The following SMAD3 variants were observed in gnomAD, a reference collection of about 807,000 sequenced individuals.
SMAD3 encodes SMAD family member 3.
SMAD3 carries 12 observed loss-of-function variants against 51.8 expected under a neutral mutation model. The observed-to-expected ratio is 0.23, with a 90% CI of 0.15 to 0.38. The LOEUF (loss-of-function observed/expected upper bound fraction) is 0.38. Among genes scored for constraint, SMAD3 ranks in the 10% least tolerant of loss-of-function variants. SMAD3 has a pLI of 1.00. For missense variants in SMAD3, 294 were observed against 565.6 expected (o/e 0.52, Z 4.87); for synonymous variants, 238 against 227.7 (o/e 1.05, Z -0.41).
rs921932682 is a variant in SMAD3, at chr15:67,192,952, A to G, written c.*2416A>G. On this transcript the variant is annotated 3_prime_UTR_variant, in exon 9 of 9. Coordinates refer to ENST00000327367, the MANE Select transcript of SMAD3 (RefSeq NM_005902.4). ...TTGGCCCTTTTTCTTTATTGACTAG[A>G]CCACCAGAGGAGGATGTGTGGGATT... is the stretch of plus-strand genomic sequence containing the variant. 4.3e-6 allele frequency: 1 copy of G among 233,028 alleles called. No individual in the cohort carries two copies. The highest frequency in any genetic ancestry group is 8.5e-6 in the Non-Finnish European group (1 of 117,908). 14.4% of individuals were successfully genotyped at this position (233,028 alleles called of 1,614,324 possible). A position where few individuals can be genotyped will look rare whatever the true frequency, so the allele number is the denominator to read the frequency against.
intron 1 of SMAD3, among the ~76,000 whole-genome samples, chr15:67,127,806 G>A (rs932977241): frequency 2.0e-5 from 3 of 152,156 alleles, no homozygotes; most frequent in African/African-American, 7.2e-5. Flanking sequence ...CCCAAAGTGC[G>A]TTCATGTCCA....
chr15:67,066,893 CCTT>C (rs1375204150), intron 1 of SMAD3, among the ~76,000 whole-genome samples: 1 of 152,184 alleles, frequency 6.6e-6, no homozygotes, highest in African/African-American at 2.4e-5. Flanking sequence ...TTGACAGATT[CCTT>C]CTTCGTTCTT....
rs1196863453 is a variant in SMAD3, at chr15:67,194,364, G to C, written c.*3828G>C. 1.3e-5 allele frequency: 3 copies of C among 233,106 alleles called. No individual in the cohort carries two copies. Among genetic ancestry groups the C allele is most frequent in the Non-Finnish European group, 2.5e-5 (3 of 117,972 alleles). 14.4% of individuals were successfully genotyped at this position (233,106 alleles called of 1,614,324 possible). On this transcript the variant is annotated 3_prime_UTR_variant, in exon 9 of 9. Coordinates refer to ENST00000327367, the MANE Select transcript of SMAD3 (RefSeq NM_005902.4). Reference sequence around the variant, plus strand: ...GACATGGATCCAAAATGATGATGAAGCATCTCCCATGGGGAGGTGATGGTG... The same window carrying C: ...GACATGGATCCAAAATGATGATGAACCATCTCCCATGGGGAGGTGATGGTG...
At chr15:67,076,265 A>G (rs542425195) in intron 1 of SMAD3, among the ~76,000 whole-genome samples, 3 of 152,310 alleles carry the variant, frequency 2.0e-5, no homozygotes, top group South Asian at 2.1e-4. Context: ...CTTCTCTATC[A>G]TTATTCTTAA....
chr15:67,167,860 T>C (rs1962633096), intron 4 of SMAD3, among the ~76,000 whole-genome samples: 1 of 152,170 alleles, frequency 6.6e-6, no homozygotes, highest in Non-Finnish European at 1.5e-5. Context: ...AGATGTTCCA[T>C]TCCGATGGTG....
At chr15:67,142,481 C>G (rs1961857170) in intron 1 of SMAD3, among the ~76,000 whole-genome samples, 1 of 152,146 alleles carries the variant, frequency 6.6e-6, no homozygotes, top group South Asian at 2.1e-4. Flanking sequence ...CTTGTTAATG[C>G]TGCTCCCACC....
rs1287725379 is a variant in SMAD3, at chr15:67,170,417, T to G, written c.608-137T>G. ...TAGAGGCAAGGGTATGGGCTAGGCCTTCTCCTGGGACCCCTCAGTCCAGGG... is the reference window on the plus strand; with the variant it reads ...TAGAGGCAAGGGTATGGGCTAGGCCGTCTCCTGGGACCCCTCAGTCCAGGG... On this transcript the variant is annotated intron_variant, in intron 4 of 8. Coordinates refer to ENST00000327367, the MANE Select transcript of SMAD3 (RefSeq NM_005902.4). 4 of 751,892 alleles carry G rather than the reference T, an allele frequency of 5.3e-6. No individual in the cohort carries two copies. In the East Asian group the frequency reaches 1.0e-4, roughly 19 times the overall value. The allele number at this position is 751,892 out of a possible 1,614,324, so 46.6% of individuals were successfully genotyped here. A position where few individuals can be genotyped will look rare whatever the true frequency, so the allele number is the denominator to read the frequency against.
chr15:67,137,404 T>C (rs1961693678), intron 1 of SMAD3, among the ~76,000 whole-genome samples: 2 of 152,212 alleles, frequency 1.3e-5, no homozygotes, highest in Non-Finnish European at 2.9e-5. Flanking sequence ...CCTTCCCATG[T>C]GCATTTTACC....
At chr15:67,129,636 C>T (rs186277021) in intron 1 of SMAD3, among the ~76,000 whole-genome samples, 80 of 152,198 alleles carry the variant, frequency 5.3e-4, no homozygotes, top group Admixed American at 4.3e-3. Context: ...GTATTCCCCT[C>T]GGATAATTGC....
chr15:67,143,779 G>A (rs569279622), intron 1 of SMAD3, among the ~76,000 whole-genome samples: 45 of 152,098 alleles, frequency 3.0e-4, no homozygotes, highest in Non-Finnish European at 5.9e-4. Flanking sequence ...GTCTCGCACT[G>A]TCGCCTGGGC....
chr15:67,123,316 G>A (rs965724000), intron 1 of SMAD3, among the ~76,000 whole-genome samples: 4 of 151,928 alleles, frequency 2.6e-5, no homozygotes, highest in Non-Finnish European at 4.4e-5. Context: ...GCTAAAACAT[G>A]GTGAAATTCC....
At chr15:67,107,970 C>G (rs142083133) in intron 1 of SMAD3, among the ~76,000 whole-genome samples, 3,238 of 124,110 alleles carry the variant, frequency 0.026, 33 homozygotes, top group Middle Eastern at 0.042. Flanking sequence ...TCCTCTCCCC[C>G]CCACCCCCCC....
intron 1 of SMAD3, among the ~76,000 whole-genome samples, chr15:67,068,201 TAAAAG>T (rs1350354230): frequency 1.3e-5 from 2 of 152,190 alleles, no homozygotes; most frequent in Admixed American, 6.5e-5. Context: ...GAGGAAACCT[TAAAAG>T]AGAGAGGTGA....
intron 1 of SMAD3, among the ~76,000 whole-genome samples, chr15:67,092,650 T>TG (rs901061930): frequency 3.4e-4 from 52 of 152,210 alleles, no homozygotes; most frequent in Admixed American, 1.4e-3. Flanking sequence ...AGGAGGGTGC[T>TG]GGGGGTAGGA....
At chr15:67,184,071 TCCTGCAAGGGTAGAGGTTATCATCATTCC>T in intron 6 of SMAD3, among the ~76,000 whole-genome samples, 1 of 151,082 alleles carries the variant, frequency 6.6e-6, no homozygotes, top group African/African-American at 2.4e-5. Context: ...CTCACAGTAA[TCCTGCAAGGGTAGAGGTTATCATCATTCC>T]CTTTTTTTTT....
intron 1 of SMAD3, among the ~76,000 whole-genome samples, chr15:67,108,939 T>C (rs1020275024): frequency 2.0e-5 from 3 of 152,212 alleles, no homozygotes; most frequent in Non-Finnish European, 2.9e-5. Context: ...GAAGATATTA[T>C]GTATTATGAA....
chr15:67,065,623 C>G lies in SMAD3; in HGVS notation c.-532C>G, dbSNP rs1187004322. 6.7e-6 allele frequency among the ~76,000 whole-genome samples: 1 copy of G among 149,608 alleles called. No individual in the cohort carries two copies. Among genetic ancestry groups the G allele is most frequent in the African/African-American group, 2.5e-5 (1 of 40,642 alleles). ...GCATGAAACACAGACTGGGAGCGGG[C>G]GGGAGCGGGAGCGCGGCGCACGCCC... On this transcript the variant is annotated 5_prime_UTR_variant, in exon 1 of 9. Coordinates refer to ENST00000327367, the MANE Select transcript of SMAD3 (RefSeq NM_005902.4).
intron 1 of SMAD3, among the ~76,000 whole-genome samples, chr15:67,073,964 C>T (rs1454276089): frequency 2.0e-5 from 3 of 152,228 alleles, no homozygotes; most frequent in Admixed American, 1.3e-4. Context: ...TGAGCCACCG[C>T]GCCCGGCCAC....
chr15:67,192,895 T>C lies in SMAD3; in HGVS notation c.*2359T>C, dbSNP rs193013035. ...AAGGCTACTTCTAGGAGCATGAAGT[T>C]TGAGTTTTGTGTTTTTCCAAAGGAT... On this transcript the variant is annotated 3_prime_UTR_variant, in exon 9 of 9. Transcript: ENST00000327367. 13 of 233,224 alleles carry C rather than the reference T, an allele frequency of 5.6e-5. No individual in the cohort carries two copies. The East Asian group carries it at 7.8e-4, about 14-fold the overall frequency. The allele number at this position is 233,224 out of a possible 1,614,324, so 14.4% of individuals were successfully genotyped here. A position where few individuals can be genotyped will look rare whatever the true frequency, so the allele number is the denominator to read the frequency against.
Sources: allele counts gnomAD v4.1 joint callset (sites outside exome capture counted in the v4.1 genomes callset), GRCh38; gene constraint gnomAD v4.1.1; transcripts MANE v1.5; gene names NCBI Gene and HGNC (gene_info 2026-07-23, HGNC 2026-07-21).